TIAM1: variants seen among roughly 807,000 people sequenced by gnomAD.
TIAM1 encodes the protein rho guanine nucleotide exchange factor TIAM1.
TIAM1 carries 65 observed loss-of-function variants against 163.5 expected under a neutral mutation model. The ratio of observed to expected loss-of-function variants is 0.40; its 90% CI spans 0.33 to 0.49. The LOEUF (loss-of-function observed/expected upper bound fraction) is 0.49, where lower values mean the gene tolerates loss of function less well. TIAM1 is among the 20% of genes least tolerant of loss of function. TIAM1 has a pLI of 0.77. For synonymous variants in TIAM1, 833 were observed against 810.1 expected (o/e 1.03, Z -0.48); for missense variants, 1,789 against 2,044.7 (o/e 0.87, Z 2.41).
rs573307409 is a variant in TIAM1, at chr21:31,198,896, C to G, written c.2494-3591G>C. On this transcript the variant is annotated intron_variant, in intron 12 of 27. Coordinates refer to ENST00000541036, the MANE Select transcript of TIAM1 (RefSeq NM_001353694.2). ...CATCCTTAGGCTGGTTGGACTAAAGCCAGGTTTAGTGAACAAAACTAAAAC... is the reference window on the plus strand; with the variant it reads ...CATCCTTAGGCTGGTTGGACTAAAGGCAGGTTTAGTGAACAAAACTAAAAC... Among the ~76,000 whole-genome samples the G allele has an allele frequency of 7.2e-5, 11 of 152,232 alleles. No homozygotes were observed. In the South Asian group the frequency reaches 1.5e-3, roughly 20 times the overall value.
chr21:31,151,194 T>C (rs970695739), intron 19 of TIAM1, among the ~76,000 whole-genome samples: 1 of 152,234 alleles, frequency 6.6e-6, no homozygotes, highest in Non-Finnish European at 1.5e-5. Context: ...CCTTACCATA[T>C]GACCCAACCA....
intron 11 of TIAM1, among the ~76,000 whole-genome samples, chr21:31,207,205 T>TA (rs1171849019): frequency 6.6e-6 from 1 of 152,244 alleles, no homozygotes; most frequent in Non-Finnish European, 1.5e-5. Context: ...GGTTACCTGC[T>TA]ATATTTAGCA....
In TIAM1 at chr21:31,154,366, T is replaced by C; in HGVS notation, c.3052A>G (p.Ser1018Gly). 1 of 1,614,080 alleles carries C rather than the reference T, an allele frequency of 6.2e-7. No individual in the cohort carries two copies. Among genetic ancestry groups the C allele is most frequent in the Non-Finnish European group, 8.5e-7 (1 of 1,180,012 alleles). The stretch of plus-strand genomic sequence containing the variant: ...CCCGTGGAGTCCTGAGGAGATGGGC[T>C]CTGGTCAGAGGGGTTCATCTCATGC... ...SLHEMNPSDQSPSPQDSTGPQ... is the reference protein window; with the variant it reads ...SLHEMNPSDQGPSPQDSTGPQ... The change falls in exon 17 of 28, where the codon AGC (serine) becomes GGC (glycine). Residue 1018 changes from serine to glycine, a missense_variant. By Grantham distance (56) the Ser-to-Gly change is moderately conservative. Transcript: ENST00000541036.
chr21:31,406,469 G>A (rs1208618149), intron 2 of TIAM1, among the ~76,000 whole-genome samples: 3 of 151,936 alleles, frequency 2.0e-5, no homozygotes, highest in Non-Finnish European at 4.4e-5. Flanking sequence ...ATAATTCTCG[G>A]GAAGATTAAA....
chr21:31,185,074 A>T (rs1310525948), intron 14 of TIAM1, among the ~76,000 whole-genome samples: 1 of 152,198 alleles, frequency 6.6e-6, no homozygotes, highest in Non-Finnish European at 1.5e-5. Flanking sequence ...TAGTTAACAC[A>T]ACAGATGCAA....
At chr21:31,338,163 G>A (rs556655732) in intron 2 of TIAM1, among the ~76,000 whole-genome samples, 34 of 152,334 alleles carry the variant, frequency 2.2e-4, no homozygotes, top group African/African-American at 7.2e-4. Context: ...GCTGCTGTGC[G>A]TCTGGATGCA....
chr21:31,451,540 A>G (rs568648640), intron 2 of TIAM1, among the ~76,000 whole-genome samples: 1 of 152,282 alleles, frequency 6.6e-6, no homozygotes, highest in African/African-American at 2.4e-5. Context: ...TCAGAGAAAG[A>G]GCAAATGCGG....
chr21:31,436,323 A>G (rs1376758272), intron 2 of TIAM1, among the ~76,000 whole-genome samples: 1 of 152,170 alleles, frequency 6.6e-6, no homozygotes, highest in African/African-American at 2.4e-5. Flanking sequence ...TTGTTCCCAA[A>G]AGATAAATTC....
chr21:31,367,442 C>T (rs1021287460), intron 2 of TIAM1, among the ~76,000 whole-genome samples: 4 of 152,140 alleles, frequency 2.6e-5, no homozygotes, highest in Non-Finnish European at 5.9e-5. Flanking sequence ...TTTTGAAATT[C>T]ACTAGTTATC....
At chr21:31,307,995 G>C (rs1162854723) in intron 2 of TIAM1, among the ~76,000 whole-genome samples, 2 of 152,184 alleles carry the variant, frequency 1.3e-5, no homozygotes, top group Non-Finnish European at 2.9e-5. Flanking sequence ...CATTTTGGGA[G>C]GCCAAGGCAG....
intron 2 of TIAM1, among the ~76,000 whole-genome samples, chr21:31,296,176 A>T (rs565438782): frequency 6.6e-6 from 1 of 152,332 alleles, no homozygotes; most frequent in East Asian, 1.9e-4. Context: ...TTTAATGTAT[A>T]ATCAGAATAC....
rs908267043 is a variant in TIAM1, at chr21:31,458,192, G to C, written c.-369+5791C>G. Among the ~76,000 whole-genome samples, 6 of 152,280 alleles carry C rather than the reference G, an allele frequency of 3.9e-5. No homozygotes were observed. The East Asian group carries it at 1.2e-3, about 29-fold the overall frequency. On this transcript the variant is annotated intron_variant, in intron 2 of 28. Transcript: ENST00000286827. ...CCCAACACTTTGGGAGGCCAAGGTGGGTAGATCACCTAAGGTCAGGAGTTC... is the reference window on the plus strand; with the variant it reads ...CCCAACACTTTGGGAGGCCAAGGTGCGTAGATCACCTAAGGTCAGGAGTTC...
intron 1 of TIAM1, among the ~76,000 whole-genome samples, chr21:31,536,503 C>G (rs1270944057): frequency 6.6e-6 from 1 of 152,232 alleles, no homozygotes; most frequent in South Asian, 2.1e-4. Flanking sequence ...CCGGGACCCA[C>G]TAGAGATTCA....
chr21:31,284,808 TTC>T (rs910430132), intron 2 of TIAM1, among the ~76,000 whole-genome samples: 4 of 151,920 alleles, frequency 2.6e-5, no homozygotes, highest in African/African-American at 7.3e-5. Context: ...TTGGTTCTAA[TTC>T]TCTGTTTTCC....
chr21:31,218,159 A>C (rs913566880), intron 8 of TIAM1, among the ~76,000 whole-genome samples: 2 of 152,184 alleles, frequency 1.3e-5, no homozygotes, highest in African/African-American at 4.8e-5. Flanking sequence ...GTTAAATCTA[A>C]AATTACCAAT....
chr21:31,437,756 C>G (rs1360778290), intron 2 of TIAM1, among the ~76,000 whole-genome samples: 3 of 152,098 alleles, frequency 2.0e-5, no homozygotes, highest in African/African-American at 7.2e-5. Context: ...TAAGAGTTGC[C>G]TGCTTCACCT....
At chr21:31,438,679 TACCAACTACC>T (rs2044309366) in intron 2 of TIAM1, among the ~76,000 whole-genome samples, 1 of 152,180 alleles carries the variant, frequency 6.6e-6, no homozygotes, top group African/African-American at 2.4e-5. Context: ...CACTTCTTAC[TACCAACTACC>T]TGTTAAGAAA....
At chr21:31,478,229 T>C (rs954396539) in intron 1 of TIAM1, among the ~76,000 whole-genome samples, 1 of 152,238 alleles carries the variant, frequency 6.6e-6, no homozygotes, top group Admixed American at 6.5e-5. Flanking sequence ...AAACTTTTTA[T>C]TGGGCAAATG....
chr21:31,475,423 A>G (rs1204916418), intron 1 of TIAM1, among the ~76,000 whole-genome samples: 4 of 152,208 alleles, frequency 2.6e-5, no homozygotes, highest in Non-Finnish European at 5.9e-5. Context: ...CATCAGCTAC[A>G]TAGGGTTTGG....
Sources: allele counts gnomAD v4.1 joint callset (sites outside exome capture counted in the v4.1 genomes callset), GRCh38; gene constraint gnomAD v4.1.1; transcripts MANE v1.5; gene names NCBI Gene and HGNC (gene_info 2026-07-23, HGNC 2026-07-21).